Variants in FHDC1 observed in about 807,000 individuals in gnomAD.
The protein encoded by FHDC1 is FH2 domain containing 1.
A neutral mutation model predicts 52.6 loss-of-function variants in FHDC1; 25 were observed. That is an observed-to-expected ratio of 0.48 (90% CI 0.35 to 0.66). The LOEUF is 0.66. Among genes scored for constraint, FHDC1 ranks in the 30% least tolerant of loss-of-function variants. FHDC1 has a pLI of 0.01. For synonymous variants in FHDC1, 616 were observed against 581.5 expected, an observed-to-expected ratio of 1.06 and a Z score of -0.85; for missense variants, 1,459 against 1,452.8, an observed-to-expected ratio of 1.00 and a Z score of -0.07.
chr4:152,946,512 C>T (rs1739738040), intron 2 of FHDC1, among the ~76,000 whole-genome samples: 1 of 152,176 alleles, frequency 6.6e-6, no homozygotes, highest in African/African-American at 2.4e-5. Context: ...GAAGTTAGAA[C>T]TCAGCAGGGT....
chr4:152,943,284 C>A lies in FHDC1; in HGVS notation c.227C>A (p.Pro76Gln), dbSNP rs753681688. 6.2e-7 allele frequency: 1 copy of A among 1,611,512 alleles called. No individual in the cohort carries two copies. Among genetic ancestry groups the A allele is most frequent in the South Asian group, 1.1e-5 (1 of 90,958 alleles). The change falls in exon 2 of 12, where the codon CCA becomes CAA. Residue 76 changes from proline to glutamine, a missense_variant. Pro to Gln is a moderately conservative substitution (Grantham distance 76). This residue lies in a region of FHDC1 where 513 missense variants were observed against 581.5 expected (regional missense o/e 0.88). Transcript: ENST00000511601. Reference protein sequence around the residue: ...LPGEPPIPPPPPGLPPTTHMN... With the variant: ...LPGEPPIPPPQPGLPPTTHMN... The stretch of plus-strand genomic sequence containing the variant: ...GGGGAGCCTCCCATCCCACCTCCCC[C>A]ACCAGGCCTACCCCCAACTACTCAC...
chr4:152,953,266 T>C (rs1331723493), intron 2 of FHDC1, among the ~76,000 whole-genome samples: 1 of 152,234 alleles, frequency 6.6e-6, no homozygotes, highest in African/African-American at 2.4e-5. Context: ...AGTAGGTATG[T>C]GTTATTATTA....
Position 152,976,264 on chromosome 4 carries a change from C to A in FHDC1, c.2973C>A (p.Asn991Lys), listed in dbSNP as rs772217346. ...FKKPSAKPLR[N>K]LPRQKPEENK... ...AGCCCAGTGCCAAACCACTCAGGAA[C>A]CTCCCCAGACAGAAGCCTGAGGAAA... Residue 991 changes from asparagine to lysine, a missense_variant, in exon 12 of 12, where the codon AAC becomes AAA. Physicochemically the swap from Asn to Lys is moderately conservative, Grantham distance 94 (BLOSUM62 0). Transcript: ENST00000511601. 6.2e-7 allele frequency: 1 copy of A among 1,613,404 alleles called. No homozygotes were observed. Among genetic ancestry groups the A allele is most frequent in the Non-Finnish European group, 8.5e-7 (1 of 1,179,970 alleles).
At chr4:152,949,163 G>GAA (rs1739846550) in intron 2 of FHDC1, among the ~76,000 whole-genome samples, 1 of 146,540 alleles carries the variant, frequency 6.8e-6, no homozygotes, top group African/African-American at 2.5e-5. Context: ...AGAAGAAGAA[G>GAA]AAGAAGAAGC....
Position 152,976,852 on chromosome 4 carries a change from C to T in FHDC1, c.*129C>T. The T allele has an allele frequency of 1.6e-6, 2 of 1,254,758 alleles. No homozygotes were observed. The highest frequency in any genetic ancestry group is 2.1e-6 in the Non-Finnish European group (2 of 938,112). The allele number at this position is 1,254,758 out of a possible 1,614,324, so 77.7% of individuals were successfully genotyped here. On this transcript the variant is annotated 3_prime_UTR_variant, in exon 12 of 12. Coordinates refer to ENST00000511601, the MANE Select transcript of FHDC1 (RefSeq NM_001371116.1). ...GCCACTGGTGCCACTGCTAGTGACG[C>T]TGTTGGGATGGCACAGTCCAGGAGG...
At chr4:152,935,830 G>GGT (rs35457762), upstream of FHDC1, among the ~76,000 whole-genome samples, 33,225 of 132,208 alleles carry the variant, frequency 0.25, 4,576 homozygotes, top group Non-Finnish European at 0.36. Context: ...GGCGTGTGCG[G>GGT]GTGTGTGTGT....
chr4:152,931,985 C>T (rs1457748481), upstream of FHDC1, among the ~76,000 whole-genome samples: 1 of 142,264 alleles, frequency 7.0e-6, no homozygotes, highest in Admixed American at 7.0e-5. Context: ...CACTACTTAG[C>T]ATTCAGAAAA....
chr4:152,936,315 G>C (rs1317476183), upstream of FHDC1: 1 of 152,168 alleles, frequency 6.6e-6, no homozygotes, highest in Non-Finnish European at 1.5e-5. Flanking sequence ...AGGGTTGGCT[G>C]GGCCTGCAGT....
At chr4:152,954,399 A>T in intron 4 of FHDC1, 80 bp downstream of exon 4, 1 of 1,197,216 alleles carries the variant, frequency 8.4e-7, no homozygotes, top group Non-Finnish European at 1.2e-6. Context: ...CAAAGCTCAC[A>T]TGGAAGGCCA....
chr4:152,945,727 G>A (rs1026984868), intron 2 of FHDC1, among the ~76,000 whole-genome samples: 13 of 152,216 alleles, frequency 8.5e-5, no homozygotes, highest in Non-Finnish European at 1.8e-4. Flanking sequence ...AAAGTGCTGG[G>A]ATTATAGGTG....
rs765279821 is a variant in FHDC1 at position 152,976,190 on chromosome 4, A to T, written c.2899A>T (p.Thr967Ser). The change falls in exon 12 of 12, where the codon ACC (threonine) becomes TCC (serine). Residue 967 changes from threonine to serine, a missense_variant. By Grantham distance (58) the Thr-to-Ser change is moderately conservative. Coordinates refer to ENST00000511601, the MANE Select transcript of FHDC1 (RefSeq NM_001371116.1). ...LPRGSSGSSS[T>S]RPGRDVPLQP... ...GCGGGGGAGCAGCGGCTCCAGCAGCACCCGTCCGGGGAGGGACGTTCCCCT... is the reference window on the plus strand; with the variant it reads ...GCGGGGGAGCAGCGGCTCCAGCAGCTCCCGTCCGGGGAGGGACGTTCCCCT... 1 of 1,612,512 alleles carries T rather than the reference A, an allele frequency of 6.2e-7. No individual in the cohort carries two copies. The highest frequency in any genetic ancestry group is 1.1e-5 in the South Asian group (1 of 91,066).
intron 2 of FHDC1, among the ~76,000 whole-genome samples, chr4:152,949,124 T>TGATGATGATG (rs1554040344): frequency 6.7e-5 from 5 of 74,700 alleles, no homozygotes; most frequent in African/African-American, 2.5e-4. Flanking sequence ...ATAATAATAA[T>TGATGATGATG]AAGAAGAAGA....
At chr4:152,964,857 C>A (rs1447016221) in intron 8 of FHDC1, 48 bp from the exon 9 acceptor site, 2 of 1,488,502 alleles carry the variant, frequency 1.3e-6, no homozygotes, top group African/African-American at 1.4e-5. Context: ...AAATTATTTC[C>A]TTCCAGTTTT....
Position 152,976,668 on chromosome 4 carries a change from G to A in FHDC1, c.3377G>A (p.Arg1126Gln), listed in dbSNP as rs895333454. The A allele has an allele frequency of 1.9e-6, 3 of 1,566,210 alleles. No individual in the cohort carries two copies. The highest frequency in any genetic ancestry group is 1.2e-5 in the South Asian group (1 of 85,970). Residue 1126 changes from arginine (R) to glutamine (Q), a missense_variant, in exon 12 of 12, where the codon CGG becomes CAG. Around this residue, in one of 3 missense-constraint regions of FHDC1, gnomAD observed 939 missense variants for 854.5 expected, o/e 1.10. Coordinates refer to ENST00000511601, the MANE Select transcript of FHDC1 (RefSeq NM_001371116.1). ...RGAGERASLR[R>Q]KDSSRTTLGR... is the part of the protein sequence containing the mutation. Reference sequence around the variant, plus strand: ...GCTGGGGAAAGGGCCTCCCTCCGTCGGAAGGACTCCAGTCGGACCACGCTG... The same window carrying A: ...GCTGGGGAAAGGGCCTCCCTCCGTCAGAAGGACTCCAGTCGGACCACGCTG...
At chr4:152,915,895 A>T in the FHDC1 span, among the ~76,000 whole-genome samples, 162 of 152,328 alleles carry the variant, frequency 1.1e-3, no homozygotes, top group African/African-American at 3.5e-3. Flanking sequence ...CAAATTTAGA[A>T]TCATGAATAG....
chr4:152,962,981 G>GTGTA (rs1740329059), intron 7 of FHDC1, 42 bp from the exon 8 acceptor site: 7 of 1,437,468 alleles, frequency 4.9e-6, no homozygotes, highest in South Asian at 1.2e-5. Context: ...GTGTGTGTGT[G>GTGTA]TATGTATACA....
At chr4:152,945,367 T>C (rs72968501) in intron 2 of FHDC1, among the ~76,000 whole-genome samples, 8 of 152,252 alleles carry the variant, frequency 5.3e-5, no homozygotes, top group African/African-American at 1.9e-4. Context: ...CATTAACTTA[T>C]TTTTTAAGAA....
chr4:152,943,388 C>T lies in FHDC1; in HGVS notation c.331C>T (p.Arg111Ter), dbSNP rs1331391900. Residue 111 changes from arginine (R) to a stop codon, truncating the protein, a stop_gained, in exon 2 of 12, where the codon CGA (arginine) becomes TGA (stop). Transcript: ENST00000511601. LOFTEE classifies it high-confidence loss of function. ...FWKTIPEEQV[R>*]GKTNIWTLAA... is the part of the protein sequence containing the mutation. ...GAAAACTATTCCGGAGGAGCAAGTT[C>T]GAGGCAAAACCAACATCTGGACCTT... 3.7e-6 allele frequency: 6 copies of T among 1,613,492 alleles called. No homozygotes were observed. The highest frequency in any genetic ancestry group is 2.2e-5 in the East Asian group (1 of 44,844).
intron 1 of FHDC1, among the ~76,000 whole-genome samples, chr4:152,936,930 G>A (rs1739400211): frequency 6.6e-6 from 1 of 152,242 alleles, no homozygotes; most frequent in Non-Finnish European, 1.5e-5. Flanking sequence ...GCGGTGGCGG[G>A]GACCTAGTGC....
Sources: allele counts gnomAD v4.1 joint callset (sites outside exome capture counted in the v4.1 genomes callset), GRCh38; gene constraint gnomAD v4.1.1; regional missense constraint gnomAD v4.1.1; transcripts MANE v1.5; gene names NCBI Gene and HGNC (gene_info 2026-07-23, HGNC 2026-07-21).